Variants in PRKCE observed in about 807,000 individuals in gnomAD.
PRKCE encodes the protein protein kinase C epsilon type.
PRKCE carries 16 observed loss-of-function variants against 85.4 expected under a neutral mutation model. That is an observed-to-expected ratio of 0.19 (90% CI 0.13 to 0.28). The LOEUF is 0.28. Among genes scored for constraint, PRKCE ranks in the 10% least tolerant of loss-of-function variants. PRKCE has a pLI of 1.00. For synonymous variants in PRKCE, 388 were observed against 371.5 expected (o/e 1.04, Z -0.51); for missense variants, 573 against 975.2 (o/e 0.59, Z 5.49).
intron 10 of PRKCE, among the ~76,000 whole-genome samples, chr2:46,036,851 G>T (rs920390737): frequency 5.3e-5 from 8 of 152,178 alleles, no homozygotes; most frequent in Non-Finnish European, 8.8e-5. Flanking sequence ...GGAAGATAAT[G>T]CAGAAGAGAG....
intron 11 of PRKCE, among the ~76,000 whole-genome samples, chr2:46,124,211 G>A (rs1424299667): frequency 1.3e-5 from 2 of 152,130 alleles, no homozygotes; most frequent in African/African-American, 2.4e-5. Flanking sequence ...TGTAATCCCA[G>A]ATACTTGGGA....
At chr2:45,851,784 G>C (rs1021082959) in intron 2 of PRKCE, 36 of 152,326 alleles carry the variant, frequency 2.4e-4, no homozygotes, top group African/African-American at 8.2e-4. Flanking sequence ...TAATGGCAGG[G>C]AACTCCACAA....
intron 6 of PRKCE, among the ~76,000 whole-genome samples, chr2:45,991,125 G>A (rs1703759302): frequency 6.6e-6 from 1 of 151,720 alleles, no homozygotes; most frequent in Admixed American, 6.6e-5. Context: ...TCCTGCCTCA[G>A]CCTCCCAAGT....
At chr2:45,761,170 AC>A (rs1197232158) in intron 1 of PRKCE, among the ~76,000 whole-genome samples, 1 of 152,004 alleles carries the variant, frequency 6.6e-6, no homozygotes, top group African/African-American at 2.4e-5. Flanking sequence ...TACTAAAAAT[AC>A]AAAAAATTAG....
Position 45,980,157 on chromosome 2 carries a change from T to C in PRKCE, c.608-139T>C, listed in dbSNP as rs1574099915. ...TTTGAAATAGCTGTATAAAAGACTT[T>C]AGGGAGGGTATTAAATTAAGGCTCA... On this transcript the variant is annotated intron_variant, in intron 4 of 14. Transcript: ENST00000306156. 3 of 671,688 alleles carry C rather than the reference T, an allele frequency of 4.5e-6. No individual in the cohort carries two copies. The East Asian group carries it at 8.2e-5, about 18-fold the overall frequency. 41.6% of individuals were successfully genotyped at this position (671,688 alleles called of 1,614,324 possible). A position where few individuals can be genotyped will look rare whatever the true frequency, so the allele number is the denominator to read the frequency against.
intron 2 of PRKCE, among the ~76,000 whole-genome samples, chr2:45,871,718 G>A (rs1052670550): frequency 1.3e-5 from 2 of 152,300 alleles, no homozygotes. Flanking sequence ...AGCTTTAGAA[G>A]CCAGAAGCCA....
At chr2:46,072,285 A>G (rs2103745240) in intron 10 of PRKCE, among the ~76,000 whole-genome samples, 1 of 152,340 alleles carries the variant, frequency 6.6e-6, no homozygotes, top group East Asian at 1.9e-4. Flanking sequence ...CATGGGATTG[A>G]GTTGTATGTT....
intron 11 of PRKCE, among the ~76,000 whole-genome samples, chr2:46,091,935 G>T (rs1314650423): frequency 1.3e-5 from 2 of 152,052 alleles, no homozygotes; most frequent in African/African-American, 4.8e-5. Flanking sequence ...TTTTTGAAAT[G>T]ATAAAGTAGT....
chr2:45,825,318 G>T (rs1002263652), intron 1 of PRKCE, among the ~76,000 whole-genome samples: 1 of 152,174 alleles, frequency 6.6e-6, no homozygotes, highest in Non-Finnish European at 1.5e-5. Flanking sequence ...CTGGGACTTG[G>T]GGGGGCCCTG....
chr2:45,792,564 G>A (rs747680721), intron 1 of PRKCE, among the ~76,000 whole-genome samples: 2 of 152,060 alleles, frequency 1.3e-5, no homozygotes, highest in East Asian at 3.9e-4. Context: ...GATGCTGGCC[G>A]AGGGTGGCTT....
intron 2 of PRKCE, among the ~76,000 whole-genome samples, chr2:45,934,729 A>T (rs1417754071): frequency 6.6e-6 from 1 of 152,016 alleles, no homozygotes; most frequent in Non-Finnish European, 1.5e-5. Flanking sequence ...ATTACTTCAC[A>T]AGTATCTTTA....
intron 13 of PRKCE, among the ~76,000 whole-genome samples, chr2:46,152,521 G>C (rs1008378644): frequency 1.3e-5 from 2 of 151,764 alleles, no homozygotes; most frequent in Admixed American, 6.6e-5. Flanking sequence ...ATCGTAGGTA[G>C]AAAATCAGTA....
chr2:45,760,935 T>C (rs957642612), intron 1 of PRKCE, among the ~76,000 whole-genome samples: 3 of 152,170 alleles, frequency 2.0e-5, no homozygotes, highest in Admixed American at 6.5e-5. Context: ...CTTAGTATAC[T>C]ATTCCCTGGT....
At chr2:45,684,658 A>G (rs1355159327) in intron 1 of PRKCE, among the ~76,000 whole-genome samples, 1 of 152,186 alleles carries the variant, frequency 6.6e-6, no homozygotes, top group Non-Finnish European at 1.5e-5. Flanking sequence ...GGTTTCCTGC[A>G]TCTGGGCGCC....
intron 1 of PRKCE, among the ~76,000 whole-genome samples, chr2:45,831,752 C>G (rs779519453): frequency 2.0e-5 from 3 of 152,102 alleles, no homozygotes; most frequent in Non-Finnish European, 2.9e-5. Flanking sequence ...ATAAAAATTA[C>G]TAAAATTGGT....
intron 1 of PRKCE, among the ~76,000 whole-genome samples, chr2:45,671,892 C>T (rs936506781): frequency 1.3e-5 from 2 of 151,992 alleles, no homozygotes; most frequent in Non-Finnish European, 1.5e-5. Flanking sequence ...AAGACACTGT[C>T]TCTACAAAAA....
Position 46,004,364 on chromosome 2 carries a change from A to G in PRKCE, c.967-178A>G, listed in dbSNP as rs1574192388. 2 of 572,012 alleles carry G rather than the reference A, an allele frequency of 3.5e-6. No individual in the cohort carries two copies. Among genetic ancestry groups the G allele is most frequent in the East Asian group, 3.1e-5 (1 of 31,968 alleles). The allele number at this position is 572,012 out of a possible 1,614,324, so 35.4% of individuals were successfully genotyped here. ...TTCTTGCTCTGGTCAGACGTCACAG[A>G]GGGATCGAACTTCATTTTGGCTACT... is the stretch of plus-strand genomic sequence containing the variant. On this transcript the variant is annotated intron_variant, in intron 7 of 14. Coordinates refer to ENST00000306156, the MANE Select transcript of PRKCE (RefSeq NM_005400.3). This position sits in a 1 kb window ranked among gnomAD's most constrained non-coding sequence, Gnocchi z 4.1.
intron 2 of PRKCE, among the ~76,000 whole-genome samples, chr2:45,856,679 A>G (rs1282055387): frequency 2.0e-5 from 3 of 152,146 alleles, no homozygotes; most frequent in Non-Finnish European, 4.4e-5. Flanking sequence ...CTTTGTACCC[A>G]TCGACCAACT....
chr2:45,963,891 C>T (rs6544865), intron 2 of PRKCE, among the ~76,000 whole-genome samples: 118,872 of 152,202 alleles, frequency 0.78, 46,975 homozygotes, highest in East Asian at 0.97. Context: ...TGGCTCACTG[C>T]GGTAGTCTGG....
Sources: allele counts gnomAD v4.1 joint callset (sites outside exome capture counted in the v4.1 genomes callset), GRCh38; gene constraint gnomAD v4.1.1; non-coding constraint Gnocchi (gnomAD v3.1); transcripts MANE v1.5; gene names NCBI Gene and HGNC (gene_info 2026-07-23, HGNC 2026-07-21).